Variants in DOCK10 observed in about 807,000 individuals in gnomAD.
The protein encoded by DOCK10 is dedicator of cytokinesis 10, also known as dedicator of cytokinesis protein 10.
DOCK10 carries 145 observed loss-of-function variants against 280.1 expected under a neutral mutation model. The ratio of observed to expected loss-of-function variants is 0.52; its 90% confidence interval spans 0.45 to 0.59. The LOEUF is 0.59. Among genes scored for constraint, DOCK10 ranks in the 20% least tolerant of loss-of-function variants. DOCK10 has a pLI of 0.00. For missense variants in DOCK10, 2,368 were observed against 2,651.7 expected, an observed-to-expected ratio of 0.89 and a Z score of 2.35; for synonymous variants, 915 against 942.2, an observed-to-expected ratio of 0.97 and a Z score of 0.53.
rs1223085948 is a variant in DOCK10 at position 224,804,838 on chromosome 2, A to G, written c.4122T>C (p.Val1374=). Residue 1374 remains valine (V), a synonymous_variant, in exon 38 of 56, where the codon GTT becomes GTC. Transcript: ENST00000258390. ...CTAGGTATCTGAAATTTTGAAGACA[A>G]ACGCTAGAAAGGAGAAAAAAACCAC... is the stretch of plus-strand genomic sequence containing the variant. ...EVSDFFSILD[V]CLQNFRYLGK... 2 of 1,510,882 alleles carry G rather than the reference A, an allele frequency of 1.3e-6. No individual in the cohort carries two copies. The highest frequency in any genetic ancestry group is 1.8e-6 in the Non-Finnish European group (2 of 1,130,312). 93.6% of individuals were successfully genotyped at this position (1,510,882 alleles called of 1,614,324 possible).
intron 23 of DOCK10, among the ~76,000 whole-genome samples, chr2:224,841,091 G>A (rs1326871628): frequency 6.6e-6 from 1 of 152,128 alleles, no homozygotes; most frequent in Admixed American, 6.6e-5. Context: ...TGGAATGGTG[G>A]TTACCAGGGG....
intron 28 of DOCK10, 77 bp downstream of exon 28, chr2:224,823,424 A>G: frequency 7.8e-7 from 1 of 1,274,836 alleles, no homozygotes; most frequent in Non-Finnish European, 1.0e-6. Flanking sequence ...TGAAGATGTG[A>G]ACTGATGAAA....
At chr2:224,892,648 AG>A (rs1699764350) in intron 4 of DOCK10, among the ~76,000 whole-genome samples, 1 of 152,108 alleles carries the variant, frequency 6.6e-6, no homozygotes, top group African/African-American at 2.4e-5. Context: ...GGTTCTGAGG[AG>A]GGGCCAAGTG....
intron 1 of DOCK10, among the ~76,000 whole-genome samples, chr2:224,948,188 G>A (rs1297002788): frequency 6.6e-6 from 1 of 152,166 alleles, no homozygotes; most frequent in Non-Finnish European, 1.5e-5. Flanking sequence ...CCATTCACCT[G>A]TCTCTACTTT....
intron 1 of DOCK10, among the ~76,000 whole-genome samples, chr2:224,977,685 T>C (rs1261509133): frequency 6.6e-6 from 1 of 152,238 alleles, no homozygotes; most frequent in Non-Finnish European, 1.5e-5. Context: ...CCGTTAAACT[T>C]GACTGCATCG....
At chr2:224,799,028 C>T (rs1692791415) in intron 41 of DOCK10, among the ~76,000 whole-genome samples, 1 of 152,172 alleles carries the variant, frequency 6.6e-6, no homozygotes, top group Non-Finnish European at 1.5e-5. Context: ...AATTGACATA[C>T]AATAAATTGA....
intron 31 of DOCK10, among the ~76,000 whole-genome samples, chr2:224,809,211 A>C (rs1693604984): frequency 6.6e-6 from 1 of 152,212 alleles, no homozygotes; most frequent in African/African-American, 2.4e-5. Context: ...AGGGTTTTTA[A>C]AATGTAACCA....
intron 1 of DOCK10, among the ~76,000 whole-genome samples, chr2:224,990,511 C>A (rs1437394061): frequency 6.6e-6 from 1 of 152,102 alleles, no homozygotes; most frequent in African/African-American, 2.4e-5. Context: ...TCAACAAATT[C>A]TAATTATTAC....
At chr2:224,788,986 C>T in intron 48 of DOCK10, 78 bp downstream of exon 48, 1 of 815,936 alleles carries the variant, frequency 1.2e-6, no homozygotes, top group Non-Finnish European at 2.0e-6. Flanking sequence ...AAGCTTGTTT[C>T]CCCCTTATTT....
intron 14 of DOCK10, among the ~76,000 whole-genome samples, chr2:224,859,498 C>T (rs1171449132): frequency 2.0e-5 from 3 of 152,144 alleles, no homozygotes; most frequent in African/African-American, 7.2e-5. Context: ...CCAAGGATAA[C>T]CTTTTCACTG....
intron 14 of DOCK10, among the ~76,000 whole-genome samples, chr2:224,857,821 T>C (rs903774566): frequency 5.9e-5 from 9 of 152,180 alleles, no homozygotes; most frequent in Admixed American, 5.2e-4. Context: ...TGTAATGTTT[T>C]ATCACTCTTT....
chr2:224,840,818 T>C (rs1474870327), intron 23 of DOCK10, among the ~76,000 whole-genome samples: 4 of 152,236 alleles, frequency 2.6e-5, no homozygotes, highest in Non-Finnish European at 5.9e-5. Flanking sequence ...CCATCTTTAC[T>C]GCAGCACTAT....
intron 3 of DOCK10, among the ~76,000 whole-genome samples, chr2:224,901,748 T>C (rs952658979): frequency 1.3e-5 from 2 of 152,238 alleles, no homozygotes; most frequent in African/African-American, 2.4e-5. Flanking sequence ...TAGAGAAATG[T>C]TGCTACTTCA....
Position 224,808,053 on chromosome 2 carries a change from C to A in DOCK10, c.3443G>T (p.Cys1148Phe), listed in dbSNP as rs1244207560. Residue 1148 changes from cysteine to phenylalanine, a missense_variant, in exon 32 of 56, where the codon TGT becomes TTT. Cys to Phe is a radical substitution (Grantham distance 205). Transcript: ENST00000258390. The stretch of plus-strand genomic sequence containing the variant: ...AATTCCGATTAAGAAGTGTTTGCGA[C>A]AAAATTCATTTGTGACTGAATATTC... Reference protein sequence around the residue: ...MPEYSVTNEFCRKHFLIGILL... With the variant: ...MPEYSVTNEFFRKHFLIGILL... The A allele has an allele frequency of 6.2e-7, 1 of 1,612,240 alleles. No individual in the cohort carries two copies. The highest frequency in any genetic ancestry group is 1.7e-5 in the Admixed American group (1 of 59,720).
At chr2:224,946,785 A>G in intron 1 of DOCK10, 1 of 1,329,360 alleles carries the variant, frequency 7.5e-7, no homozygotes, top group Non-Finnish European at 1.0e-6. Flanking sequence ...AGAGCTAATC[A>G]TTTTTGAAAG....
intron 1 of DOCK10, among the ~76,000 whole-genome samples, chr2:225,032,044 T>A (rs1690092435): frequency 6.6e-6 from 1 of 152,222 alleles, no homozygotes; most frequent in Non-Finnish European, 1.5e-5. Context: ...TGGGATCAAG[T>A]CTTCCAGGTG....
At chr2:224,785,659 T>G (rs1431342205) in intron 50 of DOCK10, among the ~76,000 whole-genome samples, 1 of 152,032 alleles carries the variant, frequency 6.6e-6, no homozygotes, top group Non-Finnish European at 1.5e-5. Context: ...TTTTTGTATT[T>G]TTAGTAGAGA....
chr2:224,965,126 A>G (rs764673668), intron 1 of DOCK10, among the ~76,000 whole-genome samples: 1 of 152,216 alleles, frequency 6.6e-6, no homozygotes, highest in Non-Finnish European at 1.5e-5. Context: ...AAATAATTAC[A>G]TTGTGTATCT....
chr2:224,877,006 C>T (rs1698669566), intron 7 of DOCK10, among the ~76,000 whole-genome samples: 1 of 152,202 alleles, frequency 6.6e-6, no homozygotes, highest in Non-Finnish European at 1.5e-5. Flanking sequence ...GACCAACCCA[C>T]AAAGCCTTTT....
Sources: gnomAD v4.1 joint callset for allele counts (sites outside exome capture counted in the v4.1 genomes callset) on GRCh38, gnomAD v4.1.1 for gene constraint, MANE v1.5 for transcripts, NCBI Gene and HGNC (gene_info 2026-07-23, HGNC 2026-07-21) for gene names.